Variants in ZNF555 observed in about 807,000 individuals in gnomAD.
ZNF555 encodes the protein zinc finger protein 555.
A neutral mutation model predicts 14.0 loss-of-function variants in ZNF555; 10 were observed. The observed-to-expected ratio is 0.72, with a 90% CI of 0.44 to 1.21. ZNF555 has a LOEUF of 1.21. Among genes scored for constraint, ZNF555 ranks in the 50% most tolerant of loss-of-function variants. The probability of loss-of-function intolerance (pLI) is 0.00; values close to 1 mark genes in which losing one functional copy is unlikely to be tolerated. For synonymous variants in ZNF555, 277 were observed against 262.4 expected, an observed-to-expected ratio of 1.06 and a Z score of -0.54; for missense variants, 747 against 762.0, an observed-to-expected ratio of 0.98 and a Z score of 0.23.
At chr19:2,850,999 ATTT>A (rs10713167) in intron 2 of ZNF555, among the ~76,000 whole-genome samples, 4 of 136,720 alleles carry the variant, frequency 2.9e-5, no homozygotes, top group Admixed American at 7.5e-5. Flanking sequence ...TGAAAATTTG[ATTT>A]TTTTTTTTTT....
In ZNF555 at chr19:2,851,614, A is replaced by G. The variant is rs778169234; in HGVS notation, c.277A>G (p.Ile93Val). The G allele has an allele frequency of 3.1e-6, 5 of 1,601,914 alleles. No individual in the cohort carries two copies. The highest frequency in any genetic ancestry group is 3.4e-6 in the Non-Finnish European group (4 of 1,176,532). The change falls in exon 3 of 4, where the codon ATC becomes GTC. Residue 93 changes from isoleucine (I) to valine (V), a missense_variant. Coordinates refer to ENST00000334241, the MANE Select transcript of ZNF555 (RefSeq NM_152791.5). ...VLGKIWDSLS[I>V]EDQTTNQGRN... ...AGGAAAAATTTGGGACAGTCTTAGC[A>G]TCGAAGATCAAACCACAAACCAGGG...
rs1016374448 is a variant in ZNF555 at position 2,857,506 on chromosome 19, A to G, written c.*3554A>G. 1 of 152,234 alleles carries G rather than the reference A, an allele frequency of 6.6e-6. No homozygotes were observed. The highest frequency in any genetic ancestry group is 2.4e-5 in the African/African-American group (1 of 41,466). 9.4% of individuals were successfully genotyped at this position (152,234 alleles called of 1,614,324 possible). On this transcript the variant is annotated 3_prime_UTR_variant, in exon 4 of 4. Transcript: ENST00000334241. The stretch of plus-strand genomic sequence containing the variant: ...CATGGAAAAGGCAAAGATAAGGGAA[A>G]CGAACAAATCGCTGGTTAGAAGTAG...
chr19:2,851,020 A>T lies in ZNF555; in HGVS notation c.130+307A>T, dbSNP rs7255942. ...TTTGATTTTTTTTTTTTTTTTTGAG[A>T]TGGAGTCTCACTCTGTCGCCCAGGC... On this transcript the variant is annotated intron_variant, in intron 2 of 3. Coordinates refer to ENST00000334241, the MANE Select transcript of ZNF555 (RefSeq NM_152791.5). 8.8e-3 allele frequency among the ~76,000 whole-genome samples: 1,133 copies of T among 128,574 alleles called. 11 individuals are homozygous for T. The highest frequency in any genetic ancestry group is 0.033 in the African/African-American group (1,075 of 33,014). 84.3% of individuals were successfully genotyped at this position (128,574 alleles called of 152,430 possible).
intron 1 of ZNF555, among the ~76,000 whole-genome samples, chr19:2,846,792 T>TA (rs1191666790): frequency 2.0e-5 from 3 of 152,196 alleles, no homozygotes; most frequent in African/African-American, 4.8e-5. Flanking sequence ...TCGTGAATCT[T>TA]AGAGTCCAAA....
At chr19:2,850,753 G>C (rs201289821) in intron 2 of ZNF555, 40 bp downstream of exon 2, 17 of 1,609,228 alleles carry the variant, frequency 1.1e-5, no homozygotes, top group Non-Finnish European at 1.4e-5. Context: ...TAGTTATTGA[G>C]AGAACAAGTA....
Position 2,851,620 on chromosome 19 carries a change from G to A in ZNF555, c.283G>A (p.Asp95Asn), listed in dbSNP as rs202164293. The change falls in exon 3 of 4, where the codon GAT (aspartate) becomes AAT (asparagine). Residue 95 changes from aspartate (D) to asparagine (N), a missense_variant. Physicochemically the swap from Asp to Asn is conservative, Grantham distance 23 (BLOSUM62 1). Transcript: ENST00000334241. ...GKIWDSLSIE[D>N]QTTNQGRNLS... Reference sequence around the variant, plus strand: ...AATTTGGGACAGTCTTAGCATCGAAGATCAAACCACAAACCAGGGGAGAAA... The same window carrying A: ...AATTTGGGACAGTCTTAGCATCGAAAATCAAACCACAAACCAGGGGAGAAA... The A allele has an allele frequency of 1.9e-6, 3 of 1,597,552 alleles. No individual in the cohort carries two copies. The South Asian group carries it at 3.4e-5, about 18-fold the overall frequency.
rs145053825 is a variant in ZNF555 at position 2,850,523 on chromosome 19, G to C, written c.4-64G>C. 4.0e-5 allele frequency: 64 copies of C among 1,585,008 alleles called. No homozygotes were observed. The East Asian group carries it at 1.4e-3, about 35-fold the overall frequency. Reference sequence around the variant, plus strand: ...ATCTTGTTTGAACTACATACGAATTGAGTACAATGCTCCTGGGCTCTCGGT... The same window carrying C: ...ATCTTGTTTGAACTACATACGAATTCAGTACAATGCTCCTGGGCTCTCGGT... On this transcript the variant is annotated intron_variant, in intron 1 of 3. Transcript: ENST00000334241.
chr19:2,845,993 G>A (rs1172945558), intron 1 of ZNF555, among the ~76,000 whole-genome samples: 1 of 152,088 alleles, frequency 6.6e-6, no homozygotes. Flanking sequence ...TGCAATGGTC[G>A]GGACACCCCA....
chr19:2,850,457 G>A, intron 1 of ZNF555, 130 bp from the exon 2 acceptor site: 1 of 1,313,250 alleles, frequency 7.6e-7, no homozygotes, highest in Non-Finnish European at 1.1e-6. Flanking sequence ...AGGAAGAGGT[G>A]TGACAACTGA....
rs577533671 is a variant in ZNF555, at chr19:2,858,271, C to G, written c.*4319C>G. The G allele has an allele frequency of 5.3e-5, 8 of 152,280 alleles. No individual in the cohort carries two copies. The highest frequency in any genetic ancestry group is 4.6e-4 in the Admixed American group (7 of 15,302). The allele number at this position is 152,280 out of a possible 1,614,324, so 9.4% of individuals were successfully genotyped here. On this transcript the variant is annotated 3_prime_UTR_variant, in exon 4 of 4. Transcript: ENST00000334241. The stretch of plus-strand genomic sequence containing the variant: ...GACAAGGACTTGTGCCTCGTCAGAC[C>G]CTGTTTGAAACCCAGTCTGAAGTTT...
chr19:2,848,974 C>T (rs1057449321), intron 1 of ZNF555, among the ~76,000 whole-genome samples: 2 of 152,208 alleles, frequency 1.3e-5, no homozygotes, highest in Admixed American at 6.5e-5. Context: ...GTCTAAGGCC[C>T]GCAATGTTAA....
In ZNF555 at chr19:2,854,043, C is replaced by T; in HGVS notation, c.*91C>T. The T allele has an allele frequency of 6.8e-7, 1 of 1,461,800 alleles. No individual in the cohort carries two copies. 90.6% of individuals were successfully genotyped at this position (1,461,800 alleles called of 1,614,324 possible). A position where few individuals can be genotyped will look rare whatever the true frequency, so the allele number is the denominator to read the frequency against. On this transcript the variant is annotated 3_prime_UTR_variant, in exon 4 of 4. Transcript: ENST00000334241. ...GTTGAAAAATAATTCTCCAAATACT[C>T]TCAGCTATCCTACATGAATTTGAAC...
Position 2,859,015 on chromosome 19 carries a change from C to G in ZNF555, c.*5063C>G, listed in dbSNP as rs2087708164. ...GTCTTACTAACGCCTCACCAGAGCG[C>G]ATGCGCCCTCCTCAGGAGCAGCCTC... On this transcript the variant is annotated 3_prime_UTR_variant, in exon 4 of 4. Coordinates refer to ENST00000334241, the MANE Select transcript of ZNF555 (RefSeq NM_152791.5). The G allele has an allele frequency of 6.6e-6, 1 of 152,388 alleles. No homozygotes were observed. Among genetic ancestry groups the G allele is most frequent in the African/African-American group, 2.4e-5 (1 of 41,474 alleles). 9.4% of individuals were successfully genotyped at this position (152,388 alleles called of 1,614,324 possible). A position where few individuals can be genotyped will look rare whatever the true frequency, so the allele number is the denominator to read the frequency against.
Position 2,852,510 on chromosome 19 carries a change from G to T in ZNF555, c.445G>T (p.Gly149Ter), listed in dbSNP as rs141088568. Reference sequence around the variant, plus strand: ...AAAACAGTATGAATACAACACGTACGGAAAAGTCTTCATGCATCGCCGCAC... The same window carrying T: ...AAAACAGTATGAATACAACACGTACTGAAAAGTCTTCATGCATCGCCGCAC... ...GVKQYEYNTYGKVFMHRRTSL... is the reference protein window; with the variant it reads ...GVKQYEYNTY The change falls in exon 4 of 4, where the codon GGA becomes TGA. Residue 149 changes from glycine to a stop codon, truncating the protein, a stop_gained. Transcript: ENST00000334241. LOFTEE classifies it low-confidence loss of function (END_TRUNC). 6.2e-7 allele frequency: 1 copy of T among 1,614,036 alleles called. No homozygotes were observed. The highest frequency in any genetic ancestry group is 8.5e-7 in the Non-Finnish European group (1 of 1,180,026).
At position 2,854,154 on chromosome 19, in the gene ZNF555, G is replaced by A. The variant is rs1268405357; in HGVS notation, c.*202G>A. On this transcript the variant is annotated 3_prime_UTR_variant, in exon 4 of 4. Coordinates refer to ENST00000334241, the MANE Select transcript of ZNF555 (RefSeq NM_152791.5). ...ATGATTTGAAGTGTATTTTTAATAT[G>A]CAAGTAGGTTCAAGTTTTATTTAAT... 3 of 600,364 alleles carry A rather than the reference G, an allele frequency of 5.0e-6. No individual in the cohort carries two copies. The highest frequency in any genetic ancestry group is 3.1e-5 in the East Asian group (1 of 32,686). 37.2% of individuals were successfully genotyped at this position (600,364 alleles called of 1,614,324 possible).
At chr19:2,847,661 A>G (rs2087593138) in intron 1 of ZNF555, among the ~76,000 whole-genome samples, 2 of 152,240 alleles carry the variant, frequency 1.3e-5, no homozygotes, top group African/African-American at 4.8e-5. Flanking sequence ...TTTAAAAAAA[A>G]TAAAAAATAA....
At chr19:2,851,948 C>T (rs1316993213) in intron 3 of ZNF555, among the ~76,000 whole-genome samples, 4 of 152,088 alleles carry the variant, frequency 2.6e-5, no homozygotes, top group Non-Finnish European at 4.4e-5. Flanking sequence ...GACAGGAGTT[C>T]GAGACCAGCC....
rs900431257 is a variant in ZNF555 at position 2,856,075 on chromosome 19, A to G, written c.*2123A>G. The G allele has an allele frequency of 4.6e-5, 7 of 152,256 alleles. No homozygotes were observed. Among genetic ancestry groups the G allele is most frequent in the Non-Finnish European group, 1.0e-4 (7 of 68,048 alleles). 9.4% of individuals were successfully genotyped at this position (152,256 alleles called of 1,614,324 possible). A position where few individuals can be genotyped will look rare whatever the true frequency, so the allele number is the denominator to read the frequency against. ...TTTACCGAGAGAATTACAGATTTCAAATCAACTTTGTAATTTTGATAATTT... is the reference window on the plus strand; with the variant it reads ...TTTACCGAGAGAATTACAGATTTCAGATCAACTTTGTAATTTTGATAATTT... On this transcript the variant is annotated 3_prime_UTR_variant, in exon 4 of 4. Transcript: ENST00000334241.
Position 2,852,466 on chromosome 19 carries a change from A to G in ZNF555, c.401A>G (p.Lys134Arg). 2 of 1,614,206 alleles carry G rather than the reference A, an allele frequency of 1.2e-6. No individual in the cohort carries two copies. The highest frequency in any genetic ancestry group is 1.1e-5 in the South Asian group (1 of 91,086). The change falls in exon 4 of 4, where the codon AAG becomes AGG. Residue 134 changes from lysine to arginine, a missense_variant. Coordinates refer to ENST00000334241, the MANE Select transcript of ZNF555 (RefSeq NM_152791.5). Reference sequence around the variant, plus strand: ...CAGATTCCACATCTTAATCTGTACAAGAAAATTCCACCTGGAGTAAAACAG... The same window carrying G: ...CAGATTCCACATCTTAATCTGTACAGGAAAATTCCACCTGGAGTAAAACAG... ...LSQIPHLNLYKKIPPGVKQYE... is the reference protein window; with the variant it reads ...LSQIPHLNLYRKIPPGVKQYE...
Sources: allele counts gnomAD v4.1 joint callset (sites outside exome capture counted in the v4.1 genomes callset), GRCh38; gene constraint gnomAD v4.1.1; transcripts MANE v1.5; gene names NCBI Gene and HGNC (gene_info 2026-07-23, HGNC 2026-07-21).